Variants in ARHGEF3 observed in about 807,000 individuals in gnomAD.
ARHGEF3 encodes the protein Rho guanine nucleotide exchange factor 3.
ARHGEF3 carries 28 observed loss-of-function variants against 63.2 expected under a neutral mutation model. The ratio of observed to expected loss-of-function variants is 0.44; its 90% CI spans 0.33 to 0.61. ARHGEF3 has a LOEUF of 0.61. Among genes scored for constraint, ARHGEF3 ranks in the 20% least tolerant of loss-of-function variants. ARHGEF3 has a pLI of 0.03. For missense variants in ARHGEF3, 533 were observed against 659.3 expected (o/e 0.81, Z 2.10); for synonymous variants, 266 against 254.2 (o/e 1.05, Z -0.44).
At chr3:56,939,267 G>A (rs867004450) in intron 3 of ARHGEF3, among the ~76,000 whole-genome samples, 6 of 152,112 alleles carry the variant, frequency 3.9e-5, no homozygotes, top group African/African-American at 7.2e-5. Flanking sequence ...GGGAAGTTTC[G>A]GCTTCAGAAA....
At chr3:56,771,613 C>T (rs141159561) in intron 2 of ARHGEF3, among the ~76,000 whole-genome samples, 1,685 of 152,282 alleles carry the variant, frequency 0.011, 34 homozygotes, top group African/African-American at 0.038. Context: ...CATGTGGGAA[C>T]ACAGCACTGC....
chr3:57,058,752 A>T (rs571652107), intron 1 of ARHGEF3, among the ~76,000 whole-genome samples: 14 of 152,142 alleles, frequency 9.2e-5, no homozygotes, highest in Non-Finnish European at 1.9e-4. Flanking sequence ...CCAATGTCCA[A>T]CAATGATAGA....
In ARHGEF3 at chr3:56,816,422, A is replaced by C. The variant is rs141508808; in HGVS notation, c.193-42606T>G. Among the ~76,000 whole-genome samples the C allele has an allele frequency of 2.0e-4, 30 of 152,298 alleles. 1 individual carries two copies. Among genetic ancestry groups the C allele is most frequent in the African/African-American group, 6.5e-4 (27 of 41,552 alleles). On this transcript the variant is annotated intron_variant, in intron 4 of 12. Coordinates refer to the ARHGEF3 transcript ENST00000338458. ...TCTAAATAGTGCCCCATAAATAACA[A>C]ATAGCACTAGAATTACTTAATAAAT...
intron 3 of ARHGEF3, among the ~76,000 whole-genome samples, chr3:56,931,575 CAAAAAAAA>C (rs10596928): frequency 1.5e-4 from 9 of 58,934 alleles, no homozygotes; most frequent in East Asian, 5.8e-4. Context: ...GATCCTGTCT[CAAAAAAAA>C]AAAAAAAAAA....
intron 7 of ARHGEF3, among the ~76,000 whole-genome samples, chr3:56,740,089 A>C (rs1182370095): frequency 6.6e-6 from 1 of 151,800 alleles, no homozygotes; most frequent in African/African-American, 2.4e-5. Flanking sequence ...TAGTAGAGAC[A>C]GGCTTTCTCC....
At chr3:56,876,840 G>A (rs991687290) in intron 4 of ARHGEF3, among the ~76,000 whole-genome samples, 4 of 152,200 alleles carry the variant, frequency 2.6e-5, no homozygotes, top group Admixed American at 1.3e-4. Context: ...CAAGAGAGGC[G>A]TGTGGGCCCT....
At chr3:56,924,797 G>A (rs974105717) in intron 3 of ARHGEF3, among the ~76,000 whole-genome samples, 1 of 152,210 alleles carries the variant, frequency 6.6e-6, no homozygotes, top group Non-Finnish European at 1.5e-5. Flanking sequence ...TGTATCTTGT[G>A]CTGACCTCCT....
intron 4 of ARHGEF3, among the ~76,000 whole-genome samples, chr3:56,752,282 T>G (rs1276897588): frequency 6.6e-6 from 1 of 152,206 alleles, no homozygotes; most frequent in African/African-American, 2.4e-5. Context: ...GGTCTTGAAC[T>G]CCTGACCTCA....
chr3:56,840,835 A>G (rs1356958881), intron 4 of ARHGEF3, among the ~76,000 whole-genome samples: 1 of 152,076 alleles, frequency 6.6e-6, no homozygotes, highest in Non-Finnish European at 1.5e-5. Context: ...GAAGACTAAC[A>G]TTTTTCATTT....
At chr3:56,746,618 T>A (rs2034403701) in intron 6 of ARHGEF3, among the ~76,000 whole-genome samples, 1 of 151,856 alleles carries the variant, frequency 6.6e-6, no homozygotes, top group Non-Finnish European at 1.5e-5. Flanking sequence ...TAATCCCAGC[T>A]ACTCAGGAGG....
chr3:57,019,715 T>C (rs1294008850), intron 2 of ARHGEF3, among the ~76,000 whole-genome samples: 1 of 152,204 alleles, frequency 6.6e-6, no homozygotes, highest in African/African-American at 2.4e-5. Context: ...AGACACCTTT[T>C]TAAAGGCATC....
chr3:56,944,494 A>T (rs992924618), intron 3 of ARHGEF3, among the ~76,000 whole-genome samples: 10 of 151,078 alleles, frequency 6.6e-5, no homozygotes, highest in African/African-American at 2.4e-4. Context: ...AATGTGACTG[A>T]ATTGCTGCAG....
At chr3:56,838,332 C>T (rs867838458) in intron 4 of ARHGEF3, among the ~76,000 whole-genome samples, 7 of 152,018 alleles carry the variant, frequency 4.6e-5, no homozygotes, top group African/African-American at 1.2e-4. Context: ...GTTTTTTGTA[C>T]GAATCTCTAC....
At chr3:56,959,160 T>TA (rs534145520) in intron 2 of ARHGEF3, among the ~76,000 whole-genome samples, 6 of 152,118 alleles carry the variant, frequency 3.9e-5, no homozygotes, top group Non-Finnish European at 5.9e-5. Flanking sequence ...CTGGATGCAA[T>TA]AAAAAAGTCA....
chr3:57,078,403 T>C (rs2107437833), intron 1 of ARHGEF3: 1 of 152,402 alleles, frequency 6.6e-6, no homozygotes, highest in South Asian at 2.1e-4. Flanking sequence ...CCGAGTCCTC[T>C]AAGAACAAGG....
At chr3:56,900,892 C>G (rs2041483524) in intron 3 of ARHGEF3, among the ~76,000 whole-genome samples, 1 of 152,168 alleles carries the variant, frequency 6.6e-6, no homozygotes, top group South Asian at 2.1e-4. Flanking sequence ...AGGCATTTCA[C>G]TTTCCCAGTC....
At chr3:57,049,161 G>A (rs1433895351) in intron 1 of ARHGEF3, among the ~76,000 whole-genome samples, 4 of 152,174 alleles carry the variant, frequency 2.6e-5, no homozygotes, top group African/African-American at 7.2e-5. Flanking sequence ...CTTCAGGCCA[G>A]AAGTTCGAGA....
chr3:56,960,375 A>G (rs746213903), intron 2 of ARHGEF3, among the ~76,000 whole-genome samples: 4 of 152,162 alleles, frequency 2.6e-5, no homozygotes, highest in Non-Finnish European at 4.4e-5. Flanking sequence ...TCTGACCTCA[A>G]ATACCATGGT....
chr3:56,879,458 T>C (rs867208467), intron 4 of ARHGEF3, among the ~76,000 whole-genome samples: 1 of 152,340 alleles, frequency 6.6e-6, no homozygotes, highest in South Asian at 2.1e-4. Flanking sequence ...GTATCTAGCA[T>C]TGGGCTGGGA....
Sources: gnomAD v4.1 joint callset for allele counts (sites outside exome capture counted in the v4.1 genomes callset) on GRCh38, gnomAD v4.1.1 for gene constraint, MANE v1.5 for transcripts, NCBI Gene and HGNC (gene_info 2026-07-23, HGNC 2026-07-21) for gene names.